Variants in TCF4 observed in about 807,000 individuals in gnomAD.
The protein encoded by TCF4 is transcription factor 4, also known as SL3-3 enhancer factor 2.
In TCF4, 3 loss-of-function variants were observed where a neutral mutation model predicts 82.1. The observed-to-expected ratio is 0.04, with a 90% confidence interval of 0.02 to 0.09. The LOEUF (loss-of-function observed/expected upper bound fraction) is 0.09, where lower values mean the gene tolerates loss of function less well. Among genes scored for constraint, TCF4 ranks in the 10% least tolerant of loss-of-function variants. The pLI, the probability that TCF4 is intolerant of heterozygous loss-of-function variation, is 1.00. For synonymous variants in TCF4, 276 were observed against 309.6 expected (o/e 0.89, Z 1.14); for missense variants, 518 against 852.7 (o/e 0.61, Z 4.89).
chr18:55,358,798 A>G lies in TCF4; in HGVS notation c.370-7795T>C, dbSNP rs576895012. 7.9e-5 allele frequency among the ~76,000 whole-genome samples: 12 copies of G among 152,280 alleles called. No homozygotes were observed. The South Asian group carries it at 2.5e-3, about 32-fold the overall frequency. On this transcript the variant is annotated intron_variant, in intron 6 of 19. Transcript: ENST00000354452. ...TCAGACAAGCCCTGGTGTGAGTGCC[A>G]CTTACCCCCTGGATAATCCTGGACA...
intron 3 of TCF4, among the ~76,000 whole-genome samples, chr18:55,466,198 A>G (rs530499271): frequency 6.6e-6 from 1 of 152,298 alleles, no homozygotes; most frequent in Admixed American, 6.5e-5. Flanking sequence ...AGCTCTCCAC[A>G]GTAAGAAATA....
Position 55,606,919 on chromosome 18 carries a change from G to A in TCF4, c.287-19783C>T, listed in dbSNP as rs139420724. Among the ~76,000 whole-genome samples the A allele has an allele frequency of 4.0e-3, 613 of 152,138 alleles. 3 individuals carry two copies. The highest frequency in any genetic ancestry group is 5.6e-3 in the Non-Finnish European group (383 of 67,998). On this transcript the variant is annotated intron_variant, in intron 2 of 20. Coordinates refer to the TCF4 transcript ENST00000398339. ...GTTCATTTTTCACACATCAAAATCT[G>A]GTAACTTGATATCATTATATTATCC...
At chr18:55,238,228 GTTAAAAGCCAGCTTATGAAAATTTTA>G (rs1322178355) in intron 15 of TCF4, among the ~76,000 whole-genome samples, 6 of 152,190 alleles carry the variant, frequency 3.9e-5, no homozygotes, top group Non-Finnish European at 7.3e-5. Flanking sequence ...ATAGTCTAAA[GTTAAAAGCCAGCTTATGAAAATTTTA>G]TTAATACTCA....
In TCF4 at chr18:55,463,977, T is replaced by TGTGTGAGA. The variant is rs867214369; in HGVS notation, c.207+98_207+99insTCTCACAC. The TGTGTGAGA allele has an allele frequency of 1.5e-3, 441 of 303,420 alleles. 2 individuals carry two copies. Among genetic ancestry groups the TGTGTGAGA allele is most frequent in the Admixed American group, 4.7e-3 (92 of 19,596 alleles). 18.8% of individuals were successfully genotyped at this position (303,420 alleles called of 1,614,324 possible). On this transcript the variant is annotated intron_variant, in intron 4 of 19. Coordinates refer to ENST00000354452, the MANE Select transcript of TCF4 (RefSeq NM_001083962.2). ...GTGTGTGTGTGTGTGTGTGTGTGTG[T>TGTGTGAGA]GAGAGAGAGAGAGAGAGAGAGAGAG...
rs573959834 is a variant in TCF4 at position 55,596,326 on chromosome 18, T to C, written c.287-9190A>G. The C allele has an allele frequency of 1.1e-5, 3 of 261,988 alleles. No individual in the cohort carries two copies. The East Asian group carries it at 4.8e-4, about 42-fold the overall frequency. The allele number at this position is 261,988 out of a possible 1,614,324, so 16.2% of individuals were successfully genotyped here. The stretch of plus-strand genomic sequence containing the variant: ...TGTAAGCAGAAGCTTGGTCTACTTT[T>C]GTTTAAATCTCAGCTCTGCCATATG... On this transcript the variant is annotated intron_variant, in intron 2 of 20. Coordinates refer to the TCF4 transcript ENST00000398339.
At chr18:55,619,222 G>T (rs898427019) in intron 2 of TCF4, among the ~76,000 whole-genome samples, 1 of 151,998 alleles carries the variant, frequency 6.6e-6, no homozygotes, top group Non-Finnish European at 1.5e-5. Flanking sequence ...ATATACAGGG[G>T]TGTTCAGATC....
chr18:55,494,157 G>GACACACACACACACACACACACACACAC (rs3138626), intron 3 of TCF4, among the ~76,000 whole-genome samples: 2 of 147,738 alleles, frequency 1.4e-5, no homozygotes, highest in African/African-American at 5.0e-5. Context: ...AAATATTATG[G>GACACACACACACACACACACACACACAC]ACACACACAC....
At chr18:55,481,892 G>T (rs976791553) in intron 3 of TCF4, among the ~76,000 whole-genome samples, 1 of 152,180 alleles carries the variant, frequency 6.6e-6, no homozygotes, top group Non-Finnish European at 1.5e-5. Flanking sequence ...TCCTCACCAA[G>T]GTAGTCTATT....
chr18:55,232,333 A>C, intron 17 of TCF4, 176 bp downstream of exon 17: 1 of 676,732 alleles, frequency 1.5e-6, no homozygotes, highest in Non-Finnish European at 2.5e-6. Context: ...TTAGGCTCCA[A>C]TAGAGTACAG....
chr18:55,566,753 G>A (rs556247740), intron 3 of TCF4, among the ~76,000 whole-genome samples: 1 of 152,124 alleles, frequency 6.6e-6, no homozygotes, highest in South Asian at 2.1e-4. Context: ...CAGAAAAGAA[G>A]GTCAAGCACA....
chr18:55,262,420 T>C (rs1568529345), intron 11 of TCF4, among the ~76,000 whole-genome samples: 1 of 152,228 alleles, frequency 6.6e-6, no homozygotes, highest in African/African-American at 2.4e-5. Context: ...TTGGGGTATG[T>C]TGTATTTACT....
rs981718996 is a variant in TCF4, at chr18:55,224,365, A to G, written c.*3670T>C. On this transcript the variant is annotated 3_prime_UTR_variant, in exon 20 of 20. Coordinates refer to ENST00000354452, the MANE Select transcript of TCF4 (RefSeq NM_001083962.2). The stretch of plus-strand genomic sequence containing the variant: ...TCTAAAGAAAAACAAACAAAACCAA[A>G]GCAAAATAAAAAGAGAGGCCTAAAG... 2 of 152,616 alleles carry G rather than the reference A, an allele frequency of 1.3e-5. No homozygotes were observed. The highest frequency in any genetic ancestry group is 1.3e-4 in the Admixed American group (2 of 15,276). The allele number at this position is 152,616 out of a possible 1,614,324, so 9.5% of individuals were successfully genotyped here. A position where few individuals can be genotyped will look rare whatever the true frequency, so the allele number is the denominator to read the frequency against.
At chr18:55,260,344 C>G (rs995652494) in intron 12 of TCF4, among the ~76,000 whole-genome samples, 1 of 150,362 alleles carries the variant, frequency 6.7e-6, no homozygotes, top group Non-Finnish European at 1.5e-5. Flanking sequence ...CTTTCCTTTC[C>G]TCATCTACAC....
chr18:55,468,764 A>G (rs994842742), intron 3 of TCF4, among the ~76,000 whole-genome samples: 24 of 152,116 alleles, frequency 1.6e-4, no homozygotes, highest in African/African-American at 5.8e-4. Context: ...AGAAGTGTTT[A>G]CATCTAGAGG....
intron 8 of TCF4, among the ~76,000 whole-genome samples, chr18:55,294,615 TATC>T (rs1478272182): frequency 1.3e-5 from 2 of 152,196 alleles, no homozygotes; most frequent in Non-Finnish European, 2.9e-5. Context: ...AGGAAGAAGA[TATC>T]ATATGGAGAT....
chr18:55,494,868 A>G (rs1280905660), intron 3 of TCF4, among the ~76,000 whole-genome samples: 1 of 152,070 alleles, frequency 6.6e-6, no homozygotes, highest in African/African-American at 2.4e-5. Context: ...TCTCAGTTCA[A>G]GTTATTAACT....
chr18:55,483,053 G>A (rs1193784304), intron 3 of TCF4: 1 of 152,148 alleles, frequency 6.6e-6, no homozygotes, highest in African/African-American at 2.4e-5. Flanking sequence ...AAACACAAGG[G>A]ATGTGTCTGG....
intron 3 of TCF4, among the ~76,000 whole-genome samples, chr18:55,470,386 A>C (rs2096147776): frequency 6.6e-6 from 1 of 152,250 alleles, no homozygotes; most frequent in Non-Finnish European, 1.5e-5. Flanking sequence ...TAGGTTAAAC[A>C]ATCCTACCTT....
At chr18:55,438,470 T>TA (rs1258446502) in intron 5 of TCF4, among the ~76,000 whole-genome samples, 1 of 151,954 alleles carries the variant, frequency 6.6e-6, no homozygotes, top group Non-Finnish European at 1.5e-5. Context: ...TCACTCTACA[T>TA]AAAGAAACGC....
Sources: allele counts gnomAD v4.1 joint callset (sites outside exome capture counted in the v4.1 genomes callset), GRCh38; gene constraint gnomAD v4.1.1; transcripts MANE v1.5; gene names NCBI Gene and HGNC (gene_info 2026-07-23, HGNC 2026-07-21).